The following MIA2 variants were observed in gnomAD, a reference collection of about 807,000 sequenced individuals.
MIA2 encodes the protein melanoma inhibitory activity protein 2.
MIA2 carries 127 observed loss-of-function variants against 167.8 expected under a neutral mutation model. The observed-to-expected ratio is 0.76, with a 90% CI of 0.66 to 0.88. The LOEUF (loss-of-function observed/expected upper bound fraction) is 0.88, where lower values mean the gene tolerates loss of function less well. Among genes scored for constraint, MIA2 ranks in the 40% least tolerant of loss-of-function variants. The probability of loss-of-function intolerance (pLI) is 0.00; values close to 1 mark genes in which losing one functional copy is unlikely to be tolerated. For missense variants in MIA2, 1,690 were observed against 1,624.7 expected (o/e 1.04, Z -0.69); for synonymous variants, 552 against 541.9 (o/e 1.02, Z -0.26).
At chr14:39,335,676 A>T (rs1355731269) in intron 25 of MIA2, among the ~76,000 whole-genome samples, 2 of 152,184 alleles carry the variant, frequency 1.3e-5, no homozygotes, top group Non-Finnish European at 2.9e-5. Flanking sequence ...ATTGCATGAT[A>T]CTGAAGTTTG....
intron 6 of MIA2, among the ~76,000 whole-genome samples, chr14:39,258,641 C>T (rs190461871): frequency 9.2e-4 from 140 of 152,238 alleles, no homozygotes; most frequent in African/African-American, 3.2e-3. Context: ...AGAGGACTTG[C>T]AATCATTTGG....
chr14:39,253,252 G>A, intron 6 of MIA2, 81 bp downstream of exon 6: 1 of 1,534,190 alleles, frequency 6.5e-7, no homozygotes, highest in Non-Finnish European at 9.0e-7. Context: ...ATGTTTGAAT[G>A]AATCCTCCCT....
chr14:39,296,091 G>A (rs1485444761), intron 13 of MIA2, among the ~76,000 whole-genome samples: 2 of 151,682 alleles, frequency 1.3e-5, no homozygotes, highest in East Asian at 1.9e-4. Context: ...GTAGGTGTGT[G>A]TTCTGTTCTG....
rs1314846510 is a variant in MIA2 at position 39,388,267 on chromosome 14, AT to A, written c.*1321del. 6.6e-6 allele frequency: 1 copy of A among 151,928 alleles called. No individual in the cohort carries two copies. Among genetic ancestry groups the A allele is most frequent in the African/African-American group, 2.4e-5 (1 of 41,346 alleles). The allele number at this position is 151,928 out of a possible 1,614,324, so 9.4% of individuals were successfully genotyped here. ...TTGACAGCTATCCAAACAATCTTAC[AT>A]TTTTTCCTTCATGTTTTTCTTTTCA... is the stretch of plus-strand genomic sequence containing the variant. On this transcript the variant is annotated 3_prime_UTR_variant, in exon 24 of 24. Transcript: ENST00000341502. The surrounding 1 kb of genome is among the most constrained non-coding windows in gnomAD (Gnocchi z 4.1).
intron 18 of MIA2, among the ~76,000 whole-genome samples, chr14:39,310,347 A>G (rs936607914): frequency 3.9e-5 from 6 of 152,140 alleles, no homozygotes; most frequent in African/African-American, 1.2e-4. Flanking sequence ...CTGAACTGCT[A>G]TGTAGTGTTT....
At chr14:39,288,489 T>G (rs2060251622) in intron 9 of MIA2, among the ~76,000 whole-genome samples, 2 of 106,360 alleles carry the variant, frequency 1.9e-5, no homozygotes, top group African/African-American at 6.8e-5. Context: ...TTTTTTTTTT[T>G]TTTGAGACGG....
At chr14:39,340,031 CG>C (rs1200079830) in intron 25 of MIA2, among the ~76,000 whole-genome samples, 4 of 152,058 alleles carry the variant, frequency 2.6e-5, no homozygotes, top group Admixed American at 2.0e-4. Flanking sequence ...TCTGTAGAGA[CG>C]GGGCCTCACT....
chr14:39,254,620 T>C (rs1594697373), intron 6 of MIA2, among the ~76,000 whole-genome samples: 1 of 152,318 alleles, frequency 6.6e-6, no homozygotes, highest in Non-Finnish European at 1.5e-5. Flanking sequence ...GTATGCGCTG[T>C]CTAAAGGATA....
At chr14:39,263,633 C>CTG in intron 6 of MIA2, among the ~76,000 whole-genome samples, 1 of 130,914 alleles carries the variant, frequency 7.6e-6, no homozygotes, top group South Asian at 2.4e-4. Context: ...CTCTCTCTCT[C>CTG]TTTTTTTTTT....
At chr14:39,320,160 C>G (rs1379216034) in intron 23 of MIA2, among the ~76,000 whole-genome samples, 1 of 152,000 alleles carries the variant, frequency 6.6e-6, no homozygotes, top group African/African-American at 2.4e-5. Context: ...ATGCTTTGAT[C>G]TTTTCTTGTA....
At chr14:39,238,330 A>G (rs2152603404) in intron 2 of MIA2, among the ~76,000 whole-genome samples, 1 of 150,742 alleles carries the variant, frequency 6.6e-6, no homozygotes, top group African/African-American at 2.4e-5. Context: ...CTGCCACCAC[A>G]CCTGGCTAAT....
intron 23 of MIA2, among the ~76,000 whole-genome samples, chr14:39,361,727 A>C (rs2074687691): frequency 1.3e-5 from 2 of 152,148 alleles, no homozygotes. Context: ...GGCTTGAGCC[A>C]CCGTGCCTGG....
At chr14:39,335,767 G>A (rs1159580445) in intron 25 of MIA2, among the ~76,000 whole-genome samples, 1 of 151,990 alleles carries the variant, frequency 6.6e-6, no homozygotes, top group Admixed American at 6.6e-5. Context: ...GTCTCTCCTC[G>A]CTCTACTCTG....
intron 3 of MIA2, among the ~76,000 whole-genome samples, chr14:39,244,132 A>G (rs1319194706): frequency 2.6e-5 from 4 of 152,248 alleles, no homozygotes; most frequent in African/African-American, 9.6e-5. Flanking sequence ...CAATCAAACA[A>G]GGTAGGTCAG....
intron 6 of MIA2, among the ~76,000 whole-genome samples, chr14:39,268,176 C>G (rs1326355546): frequency 6.6e-6 from 1 of 151,982 alleles, no homozygotes; most frequent in Non-Finnish European, 1.5e-5. Flanking sequence ...TTCTAGGTAT[C>G]TTTGTTGACA....
At chr14:39,270,442 A>G (rs1594824821) in intron 6 of MIA2, among the ~76,000 whole-genome samples, 1 of 151,254 alleles carries the variant, frequency 6.6e-6, no homozygotes, top group Non-Finnish European at 1.5e-5. Context: ...CTTGTGATCC[A>G]CCCGCCTCGG....
At position 39,250,838 on chromosome 14, in the gene MIA2, C is replaced by A. The variant is rs575762838; in HGVS notation, c.1568-1910C>A. Reference sequence around the variant, plus strand: ...TGCAATTTTAACTAGTTTTGAGGAACTTTTATGAAAATATTCAGAAATTAT... The same window carrying A: ...TGCAATTTTAACTAGTTTTGAGGAAATTTTATGAAAATATTCAGAAATTAT... On this transcript the variant is annotated intron_variant, in intron 4 of 28. Coordinates refer to ENST00000640607, the MANE Select transcript of MIA2 (RefSeq NM_001329214.4). 1.4e-4 allele frequency among the ~76,000 whole-genome samples: 21 copies of A among 151,316 alleles called. No homozygotes were observed. In the East Asian group the frequency reaches 3.5e-3, roughly 25 times the overall value.
chr14:39,374,659 C>T (rs1465567103), intron 23 of MIA2, among the ~76,000 whole-genome samples: 2 of 152,174 alleles, frequency 1.3e-5, no homozygotes, highest in Non-Finnish European at 2.9e-5. Context: ...TTCAAACAGG[C>T]AGTTAAGGAG....
In MIA2 at chr14:39,300,540, G is replaced by A. The variant is rs118024741; in HGVS notation, c.2619+554G>A. ...TCAAATAATGATATGTAAAACTAAC[G>A]TTCTATAATTTACACAGTGATGTGG... is the stretch of plus-strand genomic sequence containing the variant. On this transcript the variant is annotated intron_variant, in intron 14 of 28. Transcript: ENST00000640607. Among the ~76,000 whole-genome samples the A allele has an allele frequency of 5.5e-4, 84 of 151,424 alleles. No homozygotes were observed. In the East Asian group the frequency reaches 0.011, roughly 19 times the overall value.
Sources: gnomAD v4.1 joint callset for allele counts (sites outside exome capture counted in the v4.1 genomes callset) on GRCh38, gnomAD v4.1.1 for gene constraint, Gnocchi (gnomAD v3.1) non-coding constraint, MANE v1.5 for transcripts, NCBI Gene and HGNC (gene_info 2026-07-23, HGNC 2026-07-21) for gene names.